SORCS3: variants seen among roughly 807,000 people sequenced by gnomAD.
The protein encoded by SORCS3 is VPS10 domain-containing receptor SorCS3.
A neutral mutation model predicts 146.3 loss-of-function variants in SORCS3; 57 were observed. The ratio of observed to expected loss-of-function variants is 0.39; its 90% CI spans 0.31 to 0.49. SORCS3 has a LOEUF of 0.49. SORCS3 is among the 20% of genes least tolerant of loss of function. The pLI, the probability that SORCS3 is intolerant of heterozygous loss-of-function variation, is 0.92. For missense variants in SORCS3, 1,341 were observed against 1,575.5 expected, an observed-to-expected ratio of 0.85 and a Z score of 2.52; for synonymous variants, 653 against 618.5, an observed-to-expected ratio of 1.06 and a Z score of -0.83.
chr10:104,643,709 G>GGTGTGTGTGTGTGTGT lies in SORCS3; in HGVS notation c.627+1776_627+1791dup, dbSNP rs3069967. ...AACTTCATTTTAGTTTGATAATTAG[G>GGTGTGTGTGTGTGTGT]GTGTGTGTGTGTGTGTGTGTGTGTG... On this transcript the variant is annotated intron_variant, in intron 1 of 26. Coordinates refer to ENST00000369701, the MANE Select transcript of SORCS3 (RefSeq NM_014978.3). Among the ~76,000 whole-genome samples, 528 of 144,708 alleles carry GGTGTGTGTGTGTGTGT rather than the reference G, an allele frequency of 3.6e-3. 4 individuals are homozygous for GGTGTGTGTGTGTGTGT. Among genetic ancestry groups the GGTGTGTGTGTGTGTGT allele is most frequent in the African/African-American group, 0.011 (417 of 38,226 alleles). The allele number at this position is 144,708 out of a possible 152,430, so 94.9% of individuals were successfully genotyped here.
intron 17 of SORCS3, among the ~76,000 whole-genome samples, chr10:105,212,621 G>A (rs529111588): frequency 3.3e-5 from 5 of 152,212 alleles, no homozygotes; most frequent in African/African-American, 9.6e-5. Context: ...TCAGGAGAAT[G>A]AAAAGGAATG....
In SORCS3 at chr10:105,020,583, A is replaced by C. The variant is rs908185990; in HGVS notation, c.955-22472A>C. On this transcript the variant is annotated intron_variant, in intron 4 of 26. Transcript: ENST00000369701. ...GCACATATTCTGCCTAAAGATATTC[A>C]AACTCATTAAAATACTACTTCAGCA... is the stretch of plus-strand genomic sequence containing the variant. 9.8e-5 allele frequency among the ~76,000 whole-genome samples: 15 copies of C among 152,324 alleles called. No homozygotes were observed. The South Asian group carries it at 2.1e-3, about 21-fold the overall frequency.
chr10:105,061,174 G>A (rs1045725166), intron 5 of SORCS3, among the ~76,000 whole-genome samples: 1 of 152,018 alleles, frequency 6.6e-6, no homozygotes, highest in Non-Finnish European at 1.5e-5. Flanking sequence ...GGAAAGCTGT[G>A]CTCTGGACTT....
At chr10:104,677,940 CT>C (rs1425555122) in intron 1 of SORCS3, among the ~76,000 whole-genome samples, 4 of 152,112 alleles carry the variant, frequency 2.6e-5, no homozygotes, top group African/African-American at 9.7e-5. Flanking sequence ...TGTTTCCTCC[CT>C]TTTGCAGTGT....
intron 3 of SORCS3, among the ~76,000 whole-genome samples, chr10:104,927,733 C>T (rs911181187): frequency 1.3e-4 from 19 of 151,926 alleles, no homozygotes; most frequent in African/African-American, 4.6e-4. Context: ...ACAAAATTAG[C>T]CAGGCGTGGT....
chr10:105,031,263 C>T (rs575583507), intron 4 of SORCS3, among the ~76,000 whole-genome samples: 6 of 151,804 alleles, frequency 4.0e-5, no homozygotes, highest in African/African-American at 1.4e-4. Flanking sequence ...CACGCCACTG[C>T]CCTCCCGTCT....
At chr10:104,985,800 TG>T (rs1214557663) in intron 4 of SORCS3, among the ~76,000 whole-genome samples, 3 of 152,144 alleles carry the variant, frequency 2.0e-5, no homozygotes, top group Non-Finnish European at 4.4e-5. Flanking sequence ...AGTAATAGTT[TG>T]GGAGGAATCT....
At position 104,685,310 on chromosome 10, in the gene SORCS3, G is replaced by A. The variant is rs561035187; in HGVS notation, c.627+43356G>A. ...TCTGTGTCCAAGAATGAGCTCACTG[G>A]TCACCCTGGGTTGCTTCTAACACCC... On this transcript the variant is annotated intron_variant, in intron 1 of 26. Coordinates refer to ENST00000369701, the MANE Select transcript of SORCS3 (RefSeq NM_014978.3). 4.6e-5 allele frequency among the ~76,000 whole-genome samples: 7 copies of A among 152,194 alleles called. No homozygotes were observed. In the East Asian group the frequency reaches 1.4e-3, roughly 30 times the overall value.
intron 2 of SORCS3, among the ~76,000 whole-genome samples, chr10:104,846,911 G>A (rs1197445695): frequency 1.3e-5 from 2 of 152,134 alleles, no homozygotes; most frequent in South Asian, 4.1e-4. Flanking sequence ...GCACTCCCTG[G>A]CTCTTCATCT....
chr10:104,731,036 G>A (rs962643070), intron 1 of SORCS3, among the ~76,000 whole-genome samples: 3 of 152,176 alleles, frequency 2.0e-5, no homozygotes, highest in Non-Finnish European at 1.5e-5. Flanking sequence ...GATGCAGAGT[G>A]TATTTATCAT....
chr10:105,256,249 A>G (rs1287941996), intron 24 of SORCS3, among the ~76,000 whole-genome samples: 2 of 152,218 alleles, frequency 1.3e-5, no homozygotes. Flanking sequence ...AGAAACAGGA[A>G]CAAACTCTAG....
chr10:104,703,058 G>A (rs2016298979), intron 1 of SORCS3, among the ~76,000 whole-genome samples: 1 of 152,172 alleles, frequency 6.6e-6, no homozygotes, highest in African/African-American at 2.4e-5. Context: ...CAAATCGATT[G>A]ATTATACAAG....
rs182382491 is a variant in SORCS3 at position 105,009,910 on chromosome 10, G to T, written c.954+32417G>T. 1.8e-4 allele frequency among the ~76,000 whole-genome samples: 27 copies of T among 152,146 alleles called. No individual in the cohort carries two copies. In the Middle Eastern group the frequency reaches 0.024, roughly 134 times the overall value. On this transcript the variant is annotated intron_variant, in intron 4 of 26. Coordinates refer to ENST00000369701, the MANE Select transcript of SORCS3 (RefSeq NM_014978.3). ...CCATTTCTCAGTTTGTGGAAACATA[G>T]AAAGACTTAGAATTTAATAATTGAA...
chr10:105,016,150 TA>T (rs1329574852), intron 4 of SORCS3, among the ~76,000 whole-genome samples: 5 of 110,498 alleles, frequency 4.5e-5, no homozygotes, highest in African/African-American at 2.1e-4. Context: ...TATATATATA[TA>T]TATATTTTTT....
intron 2 of SORCS3, among the ~76,000 whole-genome samples, chr10:104,869,898 G>C (rs192941369): frequency 3.3e-5 from 5 of 152,298 alleles, no homozygotes; most frequent in Non-Finnish European, 7.4e-5. Context: ...ATCATTATTA[G>C]CTACTGCAAG....
At chr10:104,828,528 A>G (rs1589515042) in intron 1 of SORCS3, among the ~76,000 whole-genome samples, 1 of 152,192 alleles carries the variant, frequency 6.6e-6, no homozygotes, top group Non-Finnish European at 1.5e-5. Flanking sequence ...AACAGATATA[A>G]TAATAACAAA....
chr10:104,841,613 G>A (rs1273647199), intron 1 of SORCS3, among the ~76,000 whole-genome samples: 1 of 152,150 alleles, frequency 6.6e-6, no homozygotes, highest in Admixed American at 6.5e-5. Flanking sequence ...CTCAAAGTGA[G>A]CATTTTGTTG....
At chr10:105,053,353 A>G (rs919521974) in intron 5 of SORCS3, among the ~76,000 whole-genome samples, 2 of 152,088 alleles carry the variant, frequency 1.3e-5, no homozygotes, top group African/African-American at 4.8e-5. Context: ...CTGGAGCAGA[A>G]GTGGCTAAGG....
At chr10:104,977,966 G>A (rs995068557) in intron 4 of SORCS3, among the ~76,000 whole-genome samples, 10 of 151,862 alleles carry the variant, frequency 6.6e-5, no homozygotes, top group African/African-American at 9.7e-5. Context: ...TCTTAACCTC[G>A]TGATCCGCCC....
Sources: allele counts gnomAD v4.1 joint callset (sites outside exome capture counted in the v4.1 genomes callset), GRCh38; gene constraint gnomAD v4.1.1; transcripts MANE v1.5; gene names NCBI Gene and HGNC (gene_info 2026-07-23, HGNC 2026-07-21).